Variants in SEPTIN9 observed in about 807,000 individuals in gnomAD.
SEPTIN9 encodes the protein septin-9.
Under a neutral mutation model 56.6 loss-of-function variants are expected in SEPTIN9, and 13 were observed. The ratio of observed to expected loss-of-function variants is 0.23; its 90% confidence interval spans 0.15 to 0.37. The LOEUF (loss-of-function observed/expected upper bound fraction) is 0.37, where lower values mean the gene tolerates loss of function less well. SEPTIN9 is among the 10% of genes least tolerant of loss of function. SEPTIN9 has a pLI of 1.00. For missense variants in SEPTIN9, 650 were observed against 823.1 expected, an observed-to-expected ratio of 0.79 and a Z score of 2.57; for synonymous variants, 332 against 334.1, an observed-to-expected ratio of 0.99 and a Z score of 0.07.
intron 2 of SEPTIN9, among the ~76,000 whole-genome samples, chr17:77,356,091 A>G (rs7359497): frequency 0.5 from 75,638 of 151,796 alleles, 19,101 homozygotes; most frequent in East Asian, 0.78. Flanking sequence ...AGACCCGGAC[A>G]TAAACGCCAG....
chr17:77,311,448 C>T (rs1426489412), intron 2 of SEPTIN9, among the ~76,000 whole-genome samples: 1 of 152,204 alleles, frequency 6.6e-6, no homozygotes, highest in African/African-American at 2.4e-5. Context: ...GCAGGTGTCT[C>T]TGCCCTCACA....
intron 3 of SEPTIN9, chr17:77,472,615 C>T (rs1161781857): frequency 1.3e-5 from 2 of 152,210 alleles, no homozygotes; most frequent in Non-Finnish European, 2.9e-5. Context: ...GGAAAGAGCT[C>T]CAGCTCGGAG....
chr17:77,393,730 G>A (rs1468498046), intron 2 of SEPTIN9, among the ~76,000 whole-genome samples: 1 of 152,134 alleles, frequency 6.6e-6, no homozygotes, highest in Non-Finnish European at 1.5e-5. Context: ...GGGATTACAG[G>A]CATGCACCAC....
chr17:77,491,550 C>T (rs7503616), intron 8 of SEPTIN9, among the ~76,000 whole-genome samples: 5 of 151,022 alleles, frequency 3.3e-5, no homozygotes, highest in African/African-American at 1.2e-4. Context: ...TGGTGGCTCA[C>T]GCCTGTAATC....
chr17:77,413,359 T>C (rs535422919), intron 3 of SEPTIN9, among the ~76,000 whole-genome samples: 29 of 152,208 alleles, frequency 1.9e-4, no homozygotes, highest in Admixed American at 5.2e-4. Flanking sequence ...TTTTTCTTTC[T>C]TCTTAAAATT....
At chr17:77,335,482 A>G (rs982156137) in intron 2 of SEPTIN9, among the ~76,000 whole-genome samples, 1 of 151,422 alleles carries the variant, frequency 6.6e-6, no homozygotes, top group African/African-American at 2.4e-5. Context: ...ATGTACATAT[A>G]TACATGTAGG....
At chr17:77,486,529 C>CGT (rs1568114420) in intron 4 of SEPTIN9, among the ~76,000 whole-genome samples, 4 of 119,600 alleles carry the variant, frequency 3.3e-5, no homozygotes, top group African/African-American at 1.5e-4. Flanking sequence ...TGTGCGCGCA[C>CGT]GCGCGCGCGT....
intron 3 of SEPTIN9, among the ~76,000 whole-genome samples, chr17:77,473,480 G>A (rs893757624): frequency 9.2e-5 from 14 of 152,184 alleles, no homozygotes; most frequent in Non-Finnish European, 1.6e-4. Flanking sequence ...CGATCCTCCC[G>A]CCTCGGCCTC....
chr17:77,349,897 G>A (rs2034003265), intron 2 of SEPTIN9, among the ~76,000 whole-genome samples: 2 of 152,248 alleles, frequency 1.3e-5, no homozygotes, highest in Non-Finnish European at 2.9e-5. Context: ...GTGGCCCTCA[G>A]TTGGCAGTGG....
At chr17:77,469,221 AG>A (rs1330678962) in intron 3 of SEPTIN9, 3 of 152,734 alleles carry the variant, frequency 2.0e-5, no homozygotes, top group South Asian at 4.1e-4. Flanking sequence ...AGCTAGGGAG[AG>A]GGGCTCTCAA....
chr17:77,482,659 T>C, intron 4 of SEPTIN9: 1 of 609,840 alleles, frequency 1.6e-6, no homozygotes, highest in African/African-American at 1.8e-5. Flanking sequence ...GAGGGTTCTG[T>C]GGCAGCTGTC....
rs1482578715 is a variant in SEPTIN9 at position 77,476,725 on chromosome 17, G to T, written c.722-5419G>T. Among the ~76,000 whole-genome samples the T allele has an allele frequency of 2.6e-5, 4 of 152,166 alleles. No individual in the cohort carries two copies. Among genetic ancestry groups the T allele is most frequent in the Non-Finnish European group, 5.9e-5 (4 of 68,022 alleles). On this transcript the variant is annotated intron_variant, in intron 3 of 11. Coordinates refer to ENST00000427177, the MANE Select transcript of SEPTIN9 (RefSeq NM_001113491.2). The surrounding 1 kb of genome is among the most constrained non-coding windows in gnomAD (Gnocchi z 6.0). The stretch of plus-strand genomic sequence containing the variant: ...GGGAACCTGCAGAGAAACTGTCAAG[G>T]TCTCCCGCCACCTGACACCTCCGCC...
intron 1 of SEPTIN9, among the ~76,000 whole-genome samples, chr17:77,283,745 G>T (rs1567972284): frequency 6.6e-6 from 1 of 152,200 alleles, no homozygotes; most frequent in Non-Finnish European, 1.5e-5. Flanking sequence ...AAAGGAGAAA[G>T]ATTTTAGAAG....
chr17:77,486,228 G>A (rs1218464928), intron 4 of SEPTIN9, among the ~76,000 whole-genome samples: 1 of 152,040 alleles, frequency 6.6e-6, no homozygotes, highest in Non-Finnish European at 1.5e-5. Context: ...TCAGCCTCCT[G>A]CGTAGCTGGG....
intron 3 of SEPTIN9, among the ~76,000 whole-genome samples, chr17:77,452,438 T>C (rs1173868931): frequency 1.3e-5 from 2 of 152,248 alleles, no homozygotes; most frequent in African/African-American, 4.8e-5. Flanking sequence ...ACTTCATCCC[T>C]GGCCCCTCTC....
intron 3 of SEPTIN9, among the ~76,000 whole-genome samples, chr17:77,462,038 T>A (rs572247686): frequency 3.9e-5 from 6 of 152,334 alleles, no homozygotes; most frequent in African/African-American, 1.4e-4. Context: ...CAGGCCTTTG[T>A]CACAAAATTA....
chr17:77,381,264 A>G (rs1198077062), intron 2 of SEPTIN9, among the ~76,000 whole-genome samples: 1 of 152,208 alleles, frequency 6.6e-6, no homozygotes, highest in Non-Finnish European at 1.5e-5. Context: ...GCCATGGGGA[A>G]TGTGGCCTGG....
At chr17:77,397,275 C>T (rs891270206) in intron 2 of SEPTIN9, among the ~76,000 whole-genome samples, 2 of 152,120 alleles carry the variant, frequency 1.3e-5, no homozygotes, top group Non-Finnish European at 2.9e-5. Flanking sequence ...CCCAGGCGCT[C>T]CTTGGCTCTG....
intron 3 of SEPTIN9, among the ~76,000 whole-genome samples, chr17:77,423,486 A>G (rs2036778478): frequency 6.6e-6 from 1 of 152,042 alleles, no homozygotes; most frequent in Non-Finnish European, 1.5e-5. Flanking sequence ...CTGTGATGGG[A>G]TTTGTCTCTC....
Sources: allele counts gnomAD v4.1 joint callset (sites outside exome capture counted in the v4.1 genomes callset), GRCh38; gene constraint gnomAD v4.1.1; non-coding constraint Gnocchi (gnomAD v3.1); transcripts MANE v1.5; gene names NCBI Gene and HGNC (gene_info 2026-07-23, HGNC 2026-07-21).